Variants in CELF2 observed in about 807,000 individuals in gnomAD.
The protein encoded by CELF2 is CUG triplet repeat RNA-binding protein 2.
CELF2 carries 8 observed loss-of-function variants against 62.6 expected under a neutral mutation model. The observed-to-expected ratio is 0.13, with a 90% CI of 0.07 to 0.23. The LOEUF is 0.23. CELF2 is among the 10% of genes least tolerant of loss of function. The pLI, the probability that CELF2 is intolerant of heterozygous loss-of-function variation, is 1.00. For missense variants in CELF2, 333 were observed against 671.0 expected (o/e 0.50, Z 5.56); for synonymous variants, 258 against 250.0 (o/e 1.03, Z -0.30).
At chr10:10,563,539 C>T in the CELF2 span, among the ~76,000 whole-genome samples, 3 of 146,202 alleles carry the variant, frequency 2.1e-5, no homozygotes, top group Admixed American at 1.4e-4. Flanking sequence ...ACCCAGGAGA[C>T]GGAGGTTGCA....
At chr10:10,676,910 T>C in the CELF2 span, among the ~76,000 whole-genome samples, 1 of 152,198 alleles carries the variant, frequency 6.6e-6, no homozygotes, top group East Asian at 1.9e-4. Flanking sequence ...TGCCAAATTA[T>C]TTGGGGAATT....
chr10:11,017,273 A>C (rs1024168191), upstream of CELF2, among the ~76,000 whole-genome samples: 1 of 152,244 alleles, frequency 6.6e-6, no homozygotes, highest in African/African-American at 2.4e-5. The surrounding 1 kb of genome is among the most constrained non-coding windows in gnomAD (Gnocchi z 5.5). Flanking sequence ...AGGAAATGGC[A>C]GATTCATGAT....
At chr10:10,825,207 T>C (rs1156991045) in intron 1 of CELF2, among the ~76,000 whole-genome samples, 1 of 152,136 alleles carries the variant, frequency 6.6e-6, no homozygotes, top group African/African-American at 2.4e-5. Context: ...TTTTGTTTTT[T>C]GTTTTTTGTG....
At chr10:10,546,636 CT>C in the CELF2 span, among the ~76,000 whole-genome samples, 2 of 152,132 alleles carry the variant, frequency 1.3e-5, no homozygotes, top group Non-Finnish European at 1.5e-5. Context: ...CATAATTACT[CT>C]CTGGTCAAGA....
chr10:10,506,331 C>A, the CELF2 span, among the ~76,000 whole-genome samples: 2 of 148,682 alleles, frequency 1.3e-5, no homozygotes, highest in Non-Finnish European at 3.0e-5. Context: ...TAGGTATGTG[C>A]CGATAAATTA....
intron 1 of CELF2, among the ~76,000 whole-genome samples, chr10:11,123,364 C>A (rs1258349302): frequency 6.6e-6 from 1 of 152,132 alleles, no homozygotes; most frequent in Non-Finnish European, 1.5e-5. Context: ...GATCCTCCTG[C>A]CTCAGCCCCC....
the CELF2 span, among the ~76,000 whole-genome samples, chr10:10,614,386 G>T: frequency 6.6e-6 from 1 of 152,124 alleles, no homozygotes; most frequent in African/African-American, 2.4e-5. Context: ...TCCCTATAAG[G>T]CAGCCTCTCA....
At chr10:10,946,819 G>T (rs1713060733) in intron 2 of CELF2, 1 of 152,192 alleles carries the variant, frequency 6.6e-6, no homozygotes, top group Non-Finnish European at 1.5e-5. Flanking sequence ...CATGTGCTTG[G>T]CATTGCCACC....
chr10:11,103,203 C>T (rs1442284608), intron 1 of CELF2, among the ~76,000 whole-genome samples: 2 of 152,168 alleles, frequency 1.3e-5, no homozygotes, highest in Non-Finnish European at 2.9e-5. Flanking sequence ...AAAAAATCCA[C>T]GCTTTGCCAG....
chr10:11,187,375 A>G (rs755346606), intron 2 of CELF2, among the ~76,000 whole-genome samples: 2 of 152,100 alleles, frequency 1.3e-5, no homozygotes, highest in Non-Finnish European at 2.9e-5. Flanking sequence ...TAAATAATAT[A>G]TATTTTTACA....
chr10:10,475,476 C>CAAAAAAAAA, the CELF2 span, among the ~76,000 whole-genome samples: 1 of 143,562 alleles, frequency 7.0e-6, no homozygotes, highest in Non-Finnish European at 1.5e-5. Flanking sequence ...CTTGGCCACT[C>CAAAAAAAAA]AAAAAAAAAA....
At chr10:10,634,874 G>T in the CELF2 span, among the ~76,000 whole-genome samples, 18 of 152,162 alleles carry the variant, frequency 1.2e-4, no homozygotes, top group African/African-American at 4.1e-4. Context: ...TGTTCCCCAG[G>T]ATGGCCAGAA....
chr10:11,288,402 T>C lies in CELF2; in HGVS notation c.842-16T>C, dbSNP rs1412368933. On this transcript the variant is annotated splice_polypyrimidine_tract_variant and intron_variant, in intron 8 of 12. Transcript: ENST00000633077. ...TGAGGCCTGTTGCTGAAAGTAACTTTCTCTTCCCTCCACAGGCATGAATGC... is the reference window on the plus strand; with the variant it reads ...TGAGGCCTGTTGCTGAAAGTAACTTCCTCTTCCCTCCACAGGCATGAATGC... 3 of 1,613,296 alleles carry C rather than the reference T, an allele frequency of 1.9e-6. No individual in the cohort carries two copies. In the Admixed American group the frequency reaches 5.0e-5, roughly 27 times the overall value.
At chr10:10,574,996 G>A in the CELF2 span, among the ~76,000 whole-genome samples, 1 of 151,810 alleles carries the variant, frequency 6.6e-6, no homozygotes, top group Non-Finnish European at 1.5e-5. Flanking sequence ...GGCATTACAG[G>A]CGTGAGCCAC....
chr10:10,698,400 CG>C, the CELF2 span, among the ~76,000 whole-genome samples: 1 of 152,114 alleles, frequency 6.6e-6, no homozygotes, highest in African/African-American at 2.4e-5. Context: ...CAACATCTCT[CG>C]GGATACAAGG....
At chr10:11,024,349 A>G (rs1321732964) in intron 1 of CELF2, among the ~76,000 whole-genome samples, 1 of 152,228 alleles carries the variant, frequency 6.6e-6, no homozygotes, top group African/African-American at 2.4e-5. Flanking sequence ...TCACGCCTGT[A>G]ATCCCAGCAC....
chr10:10,564,640 AT>A, the CELF2 span, among the ~76,000 whole-genome samples: 2 of 63,652 alleles, frequency 3.1e-5, no homozygotes, highest in Non-Finnish European at 5.8e-5. Context: ...TGTTAACTGA[AT>A]ACACACACAC....
chr10:11,158,121 C>T lies in CELF2; in HGVS notation c.75-7365C>T, dbSNP rs571080415. 5.9e-5 allele frequency among the ~76,000 whole-genome samples: 9 copies of T among 152,292 alleles called. No individual in the cohort carries two copies. In the South Asian group the frequency reaches 8.3e-4, roughly 14 times the overall value. On this transcript the variant is annotated intron_variant, in intron 1 of 12. Coordinates refer to ENST00000633077, the MANE Select transcript of CELF2 (RefSeq NM_001326342.2). ...AAGGATTCTCTTTGTAGTTAACTGA[C>T]GGTGAAACCAGTCTCCTGTCAATCA...
At position 11,157,111 on chromosome 10, in the gene CELF2, T is replaced by C. The variant is rs1208627431; in HGVS notation, c.75-8375T>C. Among the ~76,000 whole-genome samples, 1 of 151,924 alleles carries C rather than the reference T, an allele frequency of 6.6e-6. No homozygotes were observed. Among genetic ancestry groups the C allele is most frequent in the Non-Finnish European group, 1.5e-5 (1 of 67,964 alleles). The stretch of plus-strand genomic sequence containing the variant: ...GCGGAACAGGCTCCAGGGGGTGGCA[T>C]TTCAAGAGCAGGTTGGGGGATGAGG... On this transcript the variant is annotated intron_variant, in intron 1 of 12. Transcript: ENST00000633077. The surrounding 1 kb of genome is among the most constrained non-coding windows in gnomAD (Gnocchi z 4.9).
Sources: allele counts gnomAD v4.1 joint callset (sites outside exome capture counted in the v4.1 genomes callset), GRCh38; gene constraint gnomAD v4.1.1; non-coding constraint Gnocchi (gnomAD v3.1); transcripts MANE v1.5; gene names NCBI Gene and HGNC (gene_info 2026-07-23, HGNC 2026-07-21).